HS1BP3: variants seen among roughly 807,000 people sequenced by gnomAD.
HS1BP3 encodes the protein HCLS1 binding protein 3.
Under a neutral mutation model 33.5 loss-of-function variants are expected in HS1BP3, and 32 were observed. The observed-to-expected ratio is 0.95, with a 90% confidence interval of 0.72 to 1.28. The LOEUF (loss-of-function observed/expected upper bound fraction) is 1.28. Among genes scored for constraint, HS1BP3 ranks in the 50% most tolerant of loss-of-function variants. The pLI, the probability that HS1BP3 is intolerant of heterozygous loss-of-function variation, is 0.00. For missense variants in HS1BP3, 486 were observed against 502.3 expected, an observed-to-expected ratio of 0.97 and a Z score of 0.31; for synonymous variants, 187 against 209.2, an observed-to-expected ratio of 0.89 and a Z score of 0.92.
intron 5 of HS1BP3, among the ~76,000 whole-genome samples, chr2:20,573,446 C>T (rs1693323112): frequency 6.6e-6 from 1 of 152,152 alleles, no homozygotes; most frequent in Non-Finnish European, 1.5e-5. Context: ...CCAGGGAGAC[C>T]CCCCAAGCCC....
chr2:20,608,947 C>T (rs60631754), intron 2 of HS1BP3, among the ~76,000 whole-genome samples: 9,236 of 152,304 alleles, frequency 0.061, 330 homozygotes, highest in African/African-American at 0.094. Flanking sequence ...GCCTGAGGCA[C>T]ACTTCATAAA....
chr2:20,618,617 G>A lies in HS1BP3; in HGVS notation c.*370C>T, dbSNP rs372347915. 6.7e-5 allele frequency: 57 copies of A among 848,032 alleles called. No homozygotes were observed. Among genetic ancestry groups the A allele is most frequent in the East Asian group, 6.4e-4 (8 of 12,432 alleles). The allele number at this position is 848,032 out of a possible 1,614,324, so 52.5% of individuals were successfully genotyped here. ...GTCTGTGCTGGGGCTGGCAGAACCC[G>A]TGGGCATGAAGCTTCCCTGCCCCAT... is the stretch of plus-strand genomic sequence containing the variant. On this transcript the variant is annotated 3_prime_UTR_variant, in exon 7 of 7. Coordinates refer to ENST00000304031, the MANE Select transcript of HS1BP3 (RefSeq NM_022460.4).
At chr2:20,641,812 C>T (rs537732218) in intron 2 of HS1BP3, among the ~76,000 whole-genome samples, 12 of 152,176 alleles carry the variant, frequency 7.9e-5, no homozygotes, top group South Asian at 4.1e-4. Context: ...GTGGGGCCAG[C>T]GGCTGACTCC....
intron 2 of HS1BP3, among the ~76,000 whole-genome samples, chr2:20,604,101 T>C (rs1265699783): frequency 6.6e-6 from 1 of 152,230 alleles, no homozygotes; most frequent in Non-Finnish European, 1.5e-5. Context: ...ACAAGTGCTC[T>C]TGATGATGTT....
chr2:20,651,091 G>A lies in HS1BP3; in HGVS notation c.-28C>T. ...CGGCGGCGGGGACTCCGGGCGGGGC[G>A]CGCAGTCACGGGACCCGGCAGTGCC... On this transcript the variant is annotated 5_prime_UTR_variant, in exon 1 of 7. Coordinates refer to ENST00000304031, the MANE Select transcript of HS1BP3 (RefSeq NM_022460.4). 1.6e-6 allele frequency: 2 copies of A among 1,228,608 alleles called. No homozygotes were observed. The highest frequency in any genetic ancestry group is 1.0e-6 in the Non-Finnish European group (1 of 985,658). The allele number at this position is 1,228,608 out of a possible 1,614,324, so 76.1% of individuals were successfully genotyped here.
chr2:20,616,357 A>G (rs1294380257), downstream of HS1BP3, among the ~76,000 whole-genome samples: 4 of 152,160 alleles, frequency 2.6e-5, no homozygotes, highest in Admixed American at 2.6e-4. Context: ...ATTTCAGTTG[A>G]CAGAACTCTC....
At chr2:20,575,641 T>G (rs1316621723) in intron 5 of HS1BP3, among the ~76,000 whole-genome samples, 1 of 152,144 alleles carries the variant, frequency 6.6e-6, no homozygotes, top group Non-Finnish European at 1.5e-5. Flanking sequence ...GCCTCCTGCC[T>G]CCTCCCCTCT....
chr2:20,624,613 T>A lies in HS1BP3; in HGVS notation c.784+119A>T, dbSNP rs1156459906. ...AGCACAAAGCTGAGTCTATATCACA[T>A]CTAAACAGGACAGGGGAGATATATG... On this transcript the variant is annotated intron_variant, in intron 5 of 6. Coordinates refer to ENST00000304031, the MANE Select transcript of HS1BP3 (RefSeq NM_022460.4). 7 of 948,802 alleles carry A rather than the reference T, an allele frequency of 7.4e-6. No homozygotes were observed. The East Asian group carries it at 1.8e-4, about 24-fold the overall frequency. 58.8% of individuals were successfully genotyped at this position (948,802 alleles called of 1,614,324 possible). A position where few individuals can be genotyped will look rare whatever the true frequency, so the allele number is the denominator to read the frequency against.
At chr2:20,573,257 T>A (rs1693318057) in intron 5 of HS1BP3, among the ~76,000 whole-genome samples, 1 of 152,126 alleles carries the variant, frequency 6.6e-6, no homozygotes, top group African/African-American at 2.4e-5. Context: ...CAAAGCATTC[T>A]CCCCGAGAGC....
At chr2:20,617,150 T>C (rs1176092259), downstream of HS1BP3, among the ~76,000 whole-genome samples, 1 of 151,850 alleles carries the variant, frequency 6.6e-6, no homozygotes, top group African/African-American at 2.4e-5. Flanking sequence ...AGCATCAGGG[T>C]GCAGAAAGGG....
intron 2 of HS1BP3, among the ~76,000 whole-genome samples, chr2:20,642,478 C>T (rs994229795): frequency 6.6e-6 from 1 of 152,224 alleles, no homozygotes. Flanking sequence ...GAAAGGCACA[C>T]GGACCCCTTC....
intron 4 of HS1BP3, among the ~76,000 whole-genome samples, chr2:20,634,300 C>T (rs966595686): frequency 1.3e-5 from 2 of 152,214 alleles, no homozygotes; most frequent in Non-Finnish European, 2.9e-5. Flanking sequence ...CAGGAGCTTG[C>T]GGAAGAACCA....
intron 4 of HS1BP3, chr2:20,638,104 C>G: frequency 4.1e-6 from 2 of 489,428 alleles, no homozygotes; most frequent in South Asian, 7.3e-5. Flanking sequence ...GCACCCAGTC[C>G]TCCCACACTA....
At chr2:20,630,588 G>A (rs1316783262) in intron 4 of HS1BP3, among the ~76,000 whole-genome samples, 1 of 152,170 alleles carries the variant, frequency 6.6e-6, no homozygotes, top group East Asian at 1.9e-4. Flanking sequence ...TTTTCAATGA[G>A]AAAATTCTCA....
chr2:20,574,052 C>T (rs189183477), intron 5 of HS1BP3, among the ~76,000 whole-genome samples: 138 of 152,312 alleles, frequency 9.1e-4, no homozygotes, highest in Non-Finnish European at 1.4e-3. Context: ...TGTGGGTTGC[C>T]CTCAAAAACC....
rs1271186574 is a variant in HS1BP3, at chr2:20,638,577, CCTGT to C, written c.478_481del (p.Thr160GlyfsTer26). 6.2e-7 allele frequency: 1 copy of C among 1,614,102 alleles called. No individual in the cohort carries two copies. The highest frequency in any genetic ancestry group is 1.3e-5 in the African/African-American group (1 of 74,942). On this transcript the variant is annotated frameshift_variant, in exon 4 of 7. Coordinates refer to ENST00000304031, the MANE Select transcript of HS1BP3 (RefSeq NM_022460.4). LOFTEE classifies it high-confidence loss of function. ...AAAGTCGAAAGCCTCTTCATCATTC[CCTGT>C]CTGACTGTCTGTGCCATCCAGGACA...
chr2:20,621,395 T>C (rs1694597067), intron 6 of HS1BP3, among the ~76,000 whole-genome samples: 1 of 152,240 alleles, frequency 6.6e-6, no homozygotes, highest in African/African-American at 2.4e-5. Flanking sequence ...GTGTCCTTCT[T>C]GAACAAACCC....
intron 6 of HS1BP3, chr2:20,622,112 TA>T: frequency 8.7e-7 from 1 of 1,146,810 alleles, no homozygotes; most frequent in Non-Finnish European, 1.1e-6. Flanking sequence ...CCGCTCAGTG[TA>T]CACCCCACGC....
chr2:20,587,297 G>A (rs759361432), intron 5 of HS1BP3, among the ~76,000 whole-genome samples: 3 of 152,176 alleles, frequency 2.0e-5, no homozygotes, highest in African/African-American at 7.2e-5. Flanking sequence ...GCTGCAAAGC[G>A]TACGAGCCCA....
Sources: allele counts gnomAD v4.1 joint callset (sites outside exome capture counted in the v4.1 genomes callset), GRCh38; gene constraint gnomAD v4.1.1; transcripts MANE v1.5; gene names NCBI Gene and HGNC (gene_info 2026-07-23, HGNC 2026-07-21).